Variants in EMCN observed in about 807,000 individuals in gnomAD.
EMCN encodes MUC-14.
EMCN carries 37 observed loss-of-function variants against 38.4 expected under a neutral mutation model. The observed-to-expected ratio is 0.96, with a 90% CI of 0.74 to 1.27. The LOEUF (loss-of-function observed/expected upper bound fraction) is 1.27, where lower values mean the gene tolerates loss of function less well. Among genes scored for constraint, EMCN ranks in the 50% most tolerant of loss-of-function variants. EMCN has a pLI of 0.00. For synonymous variants in EMCN, 95 were observed against 100.8 expected, an observed-to-expected ratio of 0.94 and a Z score of 0.35; for missense variants, 318 against 302.8, an observed-to-expected ratio of 1.05 and a Z score of -0.37.
chr4:100,433,099 T>A (rs1727249004), intron 5 of EMCN, among the ~76,000 whole-genome samples: 1 of 152,186 alleles, frequency 6.6e-6, no homozygotes, highest in Non-Finnish European at 1.5e-5. Flanking sequence ...TGCTACTTTG[T>A]ATCCTCTAAT....
At chr4:100,424,838 C>A (rs1365422189) in intron 5 of EMCN, among the ~76,000 whole-genome samples, 1 of 151,966 alleles carries the variant, frequency 6.6e-6, no homozygotes, top group African/African-American at 2.4e-5. Context: ...GATTAAATAA[C>A]CAATGATGTT....
intron 4 of EMCN, among the ~76,000 whole-genome samples, chr4:100,463,689 C>T (rs72692112): frequency 0.017 from 2,632 of 152,234 alleles, 37 homozygotes; most frequent in Non-Finnish European, 0.025. Context: ...CAACCACTTA[C>T]CTGCTTTCTG....
intron 3 of EMCN, among the ~76,000 whole-genome samples, chr4:100,469,778 A>C (rs1177814820): frequency 6.6e-6 from 1 of 152,078 alleles, no homozygotes; most frequent in East Asian, 1.9e-4. Context: ...ATTCTGTTCC[A>C]TTTGTCTATG....
At chr4:100,457,209 TGTGTGTGC>T (rs1471544061) in intron 4 of EMCN, among the ~76,000 whole-genome samples, 9 of 101,838 alleles carry the variant, frequency 8.8e-5, no homozygotes, top group East Asian at 4.7e-4. Flanking sequence ...TGTGTGTGTG[TGTGTGTGC>T]GATCATTAGT....
Position 100,473,365 on chromosome 4 carries a change from G to GTTTTTTTTTT in EMCN, c.259+1672_259+1673insAAAAAAAAAA. ...TTCTAATGGGCATTTCCCGTTTCGT[G>GTTTTTTTTTT]TTTTTTTGTTTTTTTTTTTTGTTTT... On this transcript the variant is annotated intron_variant, in intron 3 of 11. Transcript: ENST00000296420. 9.9e-3 allele frequency among the ~76,000 whole-genome samples: 296 copies of GTTTTTTTTTT among 29,812 alleles called. 54 individuals carry two copies. Among genetic ancestry groups the GTTTTTTTTTT allele is most frequent in the South Asian group, 0.029 (13 of 454 alleles). 19.6% of individuals were successfully genotyped at this position (29,812 alleles called of 152,430 possible).
chr4:100,477,842 T>C (rs1728702340), intron 2 of EMCN, among the ~76,000 whole-genome samples: 1 of 152,274 alleles, frequency 6.6e-6, no homozygotes, highest in Non-Finnish European at 1.5e-5. Context: ...TTTTGGAGAA[T>C]GGGACAGTGT....
At chr4:100,446,366 T>C (rs966009325) in intron 5 of EMCN, 2 of 174,896 alleles carry the variant, frequency 1.1e-5, no homozygotes, top group Non-Finnish European at 2.2e-5. Flanking sequence ...ATATATGATA[T>C]AGAAGAAGAT....
chr4:100,410,452 C>A, intron 10 of EMCN, 97 bp from the exon 11 acceptor site: 2 of 1,216,844 alleles, frequency 1.6e-6, no homozygotes, highest in South Asian at 1.3e-5. Context: ...AAGGAAAGTT[C>A]AACTTTCCTG....
intron 1 of EMCN, among the ~76,000 whole-genome samples, chr4:100,494,026 A>G (rs975416466): frequency 3.9e-5 from 6 of 152,192 alleles, no homozygotes; most frequent in African/African-American, 1.2e-4. Flanking sequence ...GGACAAAAAC[A>G]TATCTTTTCC....
chr4:100,485,537 A>G (rs937707549), intron 1 of EMCN, among the ~76,000 whole-genome samples: 2 of 151,894 alleles, frequency 1.3e-5, no homozygotes, highest in African/African-American at 4.8e-5. Context: ...GCAAATGACC[A>G]TTAATGAACT....
At chr4:100,506,284 A>T (rs1035658920) in intron 1 of EMCN, among the ~76,000 whole-genome samples, 12 of 152,162 alleles carry the variant, frequency 7.9e-5, no homozygotes, top group Non-Finnish European at 8.8e-5. Context: ...AATTGTAGAA[A>T]AAGGCCCCCA....
At chr4:100,457,140 T>G (rs1472544330) in intron 4 of EMCN, among the ~76,000 whole-genome samples, 1 of 151,988 alleles carries the variant, frequency 6.6e-6, no homozygotes, top group African/African-American at 2.4e-5. Context: ...CCTTTTTCAC[T>G]CTTTTAAATT....
Position 100,504,076 on chromosome 4 carries a change from A to G in EMCN, c.64+13775T>C, listed in dbSNP as rs78301147. On this transcript the variant is annotated intron_variant, in intron 1 of 11. Transcript: ENST00000296420. ...TCCATGACGTAAACAAAATCAAAGT[A>G]TGTGTGCAGAGAGAGAGAGAATTAT... is the stretch of plus-strand genomic sequence containing the variant. Among the ~76,000 whole-genome samples the G allele has an allele frequency of 3.6e-3, 551 of 152,354 alleles. 3 individuals are homozygous for G. Among genetic ancestry groups the G allele is most frequent in the Middle Eastern group, 0.02 (6 of 294 alleles).
chr4:100,412,653 A>G (rs1726596749), intron 10 of EMCN, among the ~76,000 whole-genome samples: 1 of 152,190 alleles, frequency 6.6e-6, no homozygotes, highest in South Asian at 2.1e-4. Context: ...AGTAGCTTAT[A>G]TGTTCTTATG....
chr4:100,458,991 G>C lies in EMCN; in HGVS notation c.376+6432C>G, dbSNP rs17030142. 9.8e-3 allele frequency among the ~76,000 whole-genome samples: 1,497 copies of C among 152,030 alleles called. 27 individuals carry two copies. Among genetic ancestry groups the C allele is most frequent in the African/African-American group, 0.034 (1,416 of 41,358 alleles). On this transcript the variant is annotated intron_variant, in intron 4 of 11. Transcript: ENST00000296420. ...TTGCCCTGAAAGATTTCACTGTTGA[G>C]TTAGAGAAGCAGGCAAATCCACATG...
rs1728598577 is a variant in EMCN, at chr4:100,475,097, T to C, written c.200A>G (p.Asn67Ser). 6.6e-7 allele frequency: 1 copy of C among 1,511,326 alleles called. No individual in the cohort carries two copies. The highest frequency in any genetic ancestry group is 9.0e-7 in the Non-Finnish European group (1 of 1,107,924). The allele number at this position is 1,511,326 out of a possible 1,614,324, so 93.6% of individuals were successfully genotyped here. The change falls in exon 3 of 12, where the codon AAT becomes AGT. Residue 67 changes from asparagine (N) to serine (S), a missense_variant. By Grantham distance (46) the Asn-to-Ser change is conservative (BLOSUM62 1). Coordinates refer to ENST00000296420, the MANE Select transcript of EMCN (RefSeq NM_016242.4). Reference protein sequence around the residue: ...TGTTPKGTITNELLKMSLMST... With the variant: ...TGTTPKGTITSELLKMSLMST... ...CATCAGAGACATTTTAAGTAATTCATTGGTGATTGTTCCTAGTTTGATAAA... is the reference window on the plus strand; with the variant it reads ...CATCAGAGACATTTTAAGTAATTCACTGGTGATTGTTCCTAGTTTGATAAA...
rs114032033 is a variant in EMCN, at chr4:100,429,147, G to A, written c.416-5743C>T. Reference sequence around the variant, plus strand: ...GTTAATATCGGACATAAACATAATCGTTGGTGTTGGCCACAAGAATGGACT... The same window carrying A: ...GTTAATATCGGACATAAACATAATCATTGGTGTTGGCCACAAGAATGGACT... On this transcript the variant is annotated intron_variant, in intron 5 of 11. Coordinates refer to ENST00000296420, the MANE Select transcript of EMCN (RefSeq NM_016242.4). Among the ~76,000 whole-genome samples, 370 of 152,214 alleles carry A rather than the reference G, an allele frequency of 2.4e-3. 1 individual carries two copies. The highest frequency in any genetic ancestry group is 8.0e-3 in the African/African-American group (331 of 41,546).
rs1447839856 is a variant in EMCN, at chr4:100,395,921, ATAT to A, written c.*2489_*2491del. On this transcript the variant is annotated 3_prime_UTR_variant, in exon 12 of 12. Coordinates refer to ENST00000296420, the MANE Select transcript of EMCN (RefSeq NM_016242.4). ...CTATTGATAGACTTAAATTATATTC[ATAT>A]TATTATGCAAAACAAACACATAGAA... is the stretch of plus-strand genomic sequence containing the variant. 2 of 152,194 alleles carry A rather than the reference ATAT, an allele frequency of 1.3e-5. No homozygotes were observed. Among genetic ancestry groups the A allele is most frequent in the African/African-American group, 4.8e-5 (2 of 41,452 alleles). 9.4% of individuals were successfully genotyped at this position (152,194 alleles called of 1,614,324 possible).
chr4:100,436,507 T>C (rs908628603), intron 5 of EMCN, among the ~76,000 whole-genome samples: 1 of 152,164 alleles, frequency 6.6e-6, no homozygotes, highest in African/African-American at 2.4e-5. Flanking sequence ...AATCCCATTA[T>C]TGGATATATA....
Sources: allele counts gnomAD v4.1 joint callset (sites outside exome capture counted in the v4.1 genomes callset), GRCh38; gene constraint gnomAD v4.1.1; transcripts MANE v1.5; gene names NCBI Gene and HGNC (gene_info 2026-07-23, HGNC 2026-07-21).